Variants in FAT3 observed in about 807,000 individuals in gnomAD.
The protein encoded by FAT3 is FAT atypical cadherin 3, also known as protocadherin Fat 3.
In FAT3, 95 loss-of-function variants were observed where a neutral mutation model predicts 310.2. The ratio of observed to expected loss-of-function variants is 0.31; its 90% CI spans 0.26 to 0.36. FAT3 has a LOEUF of 0.36. Among genes scored for constraint, FAT3 ranks in the 10% least tolerant of loss-of-function variants. The pLI, the probability that FAT3 is intolerant of heterozygous loss-of-function variation, is 1.00. For missense variants in FAT3, 5,408 were observed against 5,715.6 expected, an observed-to-expected ratio of 0.95 and a Z score of 1.74; for synonymous variants, 2,314 against 2,192.9, an observed-to-expected ratio of 1.06 and a Z score of -1.54.
intron 2 of FAT3, among the ~76,000 whole-genome samples, chr11:92,388,171 G>A (rs1949670837): frequency 6.6e-6 from 1 of 152,138 alleles, no homozygotes; most frequent in Non-Finnish European, 1.5e-5. Context: ...TTTTGTGGAT[G>A]TGTCACAATT....
At position 92,800,177 on chromosome 11, in the gene FAT3, T is replaced by C; in HGVS notation, c.7164T>C (p.Asn2388=). 6.2e-7 allele frequency: 1 copy of C among 1,614,018 alleles called. No homozygotes were observed. The highest frequency in any genetic ancestry group is 8.5e-7 in the Non-Finnish European group (1 of 1,179,880). The part of the protein sequence containing the change: ...VLVHIYISDV[N]DNPPVFNQLI... ...TTCATATCTACATCTCTGATGTAAA[T>C]GACAACCCTCCAGTTTTTAATCAGC... Residue 2388 remains asparagine, a synonymous_variant, in exon 10 of 28, where the codon AAT becomes AAC. Coordinates refer to ENST00000525166, the MANE Select transcript of FAT3 (RefSeq NM_001367949.2).
chr11:92,830,203 A>G (rs1178410873), intron 13 of FAT3, among the ~76,000 whole-genome samples: 1 of 152,220 alleles, frequency 6.6e-6, no homozygotes, highest in Admixed American at 6.5e-5. Flanking sequence ...CAAACAACTA[A>G]AGTGAACATG....
At position 92,798,468 on chromosome 11, in the gene FAT3, A is replaced by T; in HGVS notation, c.5455A>T (p.Thr1819Ser). Residue 1819 changes from threonine to serine, a missense_variant, in exon 10 of 28, where the codon ACA (threonine) becomes TCA (serine). Transcript: ENST00000525166. ...GCTTGTGTATCAGATTGTGGAGTCA[A>T]CAGCAAAAAAGTTTTTCACGGTGGA... Reference protein sequence around the residue: ...ALLVYQIVESTAKKFFTVDSS... With the variant: ...ALLVYQIVESSAKKFFTVDSS... 1 of 1,613,698 alleles carries T rather than the reference A, an allele frequency of 6.2e-7. No individual in the cohort carries two copies. Among genetic ancestry groups the T allele is most frequent in the Non-Finnish European group, 8.5e-7 (1 of 1,179,850 alleles).
chr11:92,661,107 G>A (rs1231706134), intron 3 of FAT3, among the ~76,000 whole-genome samples: 2 of 152,166 alleles, frequency 1.3e-5, no homozygotes, highest in African/African-American at 2.4e-5. Context: ...AATGTATTTG[G>A]TAGTGTTGGA....
At chr11:92,591,517 T>C (rs1282214868) in intron 3 of FAT3, among the ~76,000 whole-genome samples, 5 of 152,186 alleles carry the variant, frequency 3.3e-5, no homozygotes, top group African/African-American at 9.6e-5. Context: ...AGCAGAACCA[T>C]AGCAAATAGG....
intron 3 of FAT3, among the ~76,000 whole-genome samples, chr11:92,551,825 A>G (rs1281789942): frequency 6.6e-6 from 1 of 152,208 alleles, no homozygotes; most frequent in Non-Finnish European, 1.5e-5. Context: ...AAAAACAAAG[A>G]AAACTCCATC....
At chr11:92,569,224 C>G (rs1276216378) in intron 3 of FAT3, among the ~76,000 whole-genome samples, 1 of 152,174 alleles carries the variant, frequency 6.6e-6, no homozygotes, top group African/African-American at 2.4e-5. Flanking sequence ...TACTTAACCT[C>G]TTTGTGCCTT....
chr11:92,324,109 G>A (rs1455913878), intron 1 of FAT3, among the ~76,000 whole-genome samples: 2 of 152,218 alleles, frequency 1.3e-5, no homozygotes, highest in African/African-American at 4.8e-5. Flanking sequence ...TTAAGGGAAT[G>A]TTGTGGCTGG....
chr11:92,422,112 A>T (rs1950544294), intron 2 of FAT3, among the ~76,000 whole-genome samples: 1 of 152,124 alleles, frequency 6.6e-6, no homozygotes, highest in Admixed American at 6.6e-5. Context: ...CATCAGGGAG[A>T]CGCACATGTC....
chr11:92,293,476 A>G (rs1946755260), intron 1 of FAT3, among the ~76,000 whole-genome samples: 1 of 147,060 alleles, frequency 6.8e-6, no homozygotes, highest in Non-Finnish European at 1.5e-5. Context: ...TGACCCTGAT[A>G]TATAACCAGT....
chr11:92,510,974 G>T (rs1017798740), intron 2 of FAT3, among the ~76,000 whole-genome samples: 1 of 152,216 alleles, frequency 6.6e-6, no homozygotes, highest in African/African-American at 2.4e-5. Context: ...CAAATCTGTG[G>T]ATGAGAGCCC....
At chr11:92,662,582 A>G (rs889141886) in intron 3 of FAT3, among the ~76,000 whole-genome samples, 6 of 152,232 alleles carry the variant, frequency 3.9e-5, no homozygotes, top group African/African-American at 1.4e-4. Context: ...TAATGAGTAC[A>G]TAAACATCAA....
At chr11:92,807,885 A>G (rs1250316103) in intron 12 of FAT3, among the ~76,000 whole-genome samples, 1 of 152,228 alleles carries the variant, frequency 6.6e-6, no homozygotes, top group Non-Finnish European at 1.5e-5. Flanking sequence ...TGACCCATCC[A>G]ATGACATTTT....
chr11:92,676,860 C>G (rs764147647), intron 3 of FAT3, among the ~76,000 whole-genome samples: 2 of 152,166 alleles, frequency 1.3e-5, no homozygotes, highest in Non-Finnish European at 2.9e-5. Context: ...TCATTTATAT[C>G]CATTCTCTCA....
intron 13 of FAT3, among the ~76,000 whole-genome samples, chr11:92,815,726 T>C (rs1947806612): frequency 6.6e-6 from 1 of 152,166 alleles, no homozygotes; most frequent in African/African-American, 2.4e-5. Flanking sequence ...GTGAAGGTGC[T>C]GCATGAGCAG....
intron 3 of FAT3, among the ~76,000 whole-genome samples, chr11:92,575,772 G>A (rs1338513234): frequency 6.6e-6 from 1 of 151,756 alleles, no homozygotes; most frequent in East Asian, 1.9e-4. Context: ...TTTTTTGTTT[G>A]TTTTTTTACA....
intron 3 of FAT3, among the ~76,000 whole-genome samples, chr11:92,613,714 C>T (rs1940674737): frequency 6.6e-6 from 1 of 152,154 alleles, no homozygotes; most frequent in African/African-American, 2.4e-5. Context: ...TACTGGGAAG[C>T]TGATCATTGG....
intron 2 of FAT3, among the ~76,000 whole-genome samples, chr11:92,431,814 T>G (rs540471229): frequency 6.6e-6 from 1 of 152,210 alleles, no homozygotes; most frequent in Non-Finnish European, 1.5e-5. Context: ...GTTGTAGATA[T>G]GCGGAATTAT....
At chr11:92,881,971 C>T (rs894355968) in intron 23 of FAT3, among the ~76,000 whole-genome samples, 3 of 152,108 alleles carry the variant, frequency 2.0e-5, no homozygotes, top group Admixed American at 2.0e-4. Flanking sequence ...CCCAGCTTCC[C>T]AGAGGGACCA....
Sources: gnomAD v4.1 joint callset for allele counts (sites outside exome capture counted in the v4.1 genomes callset) on GRCh38, gnomAD v4.1.1 for gene constraint, MANE v1.5 for transcripts, NCBI Gene and HGNC (gene_info 2026-07-23, HGNC 2026-07-21) for gene names.